The following USP22 variants were observed in gnomAD, a reference collection of about 807,000 sequenced individuals.
USP22 encodes the protein ubiquitin carboxyl-terminal hydrolase 22.
In USP22, 22 loss-of-function variants were observed where a neutral mutation model predicts 68.1. The observed-to-expected ratio is 0.32, with a 90% CI of 0.23 to 0.46. The LOEUF (loss-of-function observed/expected upper bound fraction) is 0.46, where lower values mean the gene tolerates loss of function less well. USP22 is among the 20% of genes least tolerant of loss of function. The pLI is 1.00. For synonymous variants in USP22, 279 were observed against 274.2 expected, an observed-to-expected ratio of 1.02 and a Z score of -0.17; for missense variants, 433 against 695.8, an observed-to-expected ratio of 0.62 and a Z score of 4.25.
chr17:21,002,806 CCCT>C lies in USP22; in HGVS notation c.*222_*224del, dbSNP rs1412844095. ...GCTGCTCCTCCCACCCAGAGCACAC[CCCT>C]CATCTCATCCATCTTCAAAGCAGCT... On this transcript the variant is annotated 3_prime_UTR_variant, in exon 13 of 13. Coordinates refer to ENST00000261497, the MANE Select transcript of USP22 (RefSeq NM_015276.2). 34 of 534,190 alleles carry C rather than the reference CCCT, an allele frequency of 6.4e-5. No individual in the cohort carries two copies. The highest frequency in any genetic ancestry group is 3.8e-5 in the African/African-American group (2 of 52,128). The allele number at this position is 534,190 out of a possible 1,614,324, so 33.1% of individuals were successfully genotyped here.
chr17:21,009,116 A>AG (rs1913869017), intron 8 of USP22, among the ~76,000 whole-genome samples: 2 of 143,000 alleles, frequency 1.4e-5, no homozygotes, highest in Non-Finnish European at 3.1e-5. Flanking sequence ...AAAAAAAAAA[A>AG]GGCAAGAGGA....
chr17:21,018,199 T>A, intron 4 of USP22, 88 bp from the exon 5 acceptor site: 1 of 1,299,376 alleles, frequency 7.7e-7, no homozygotes, highest in African/African-American at 1.6e-5. Flanking sequence ...TACCTCTACA[T>A]ACTCATTTTC....
chr17:21,018,369 C>T (rs919049287), intron 4 of USP22: 2 of 344,528 alleles, frequency 5.8e-6, no homozygotes, highest in Non-Finnish European at 1.1e-5. Flanking sequence ...ATAGTTTCTA[C>T]GACAACAGGC....
rs1405879130 is a variant in USP22, at chr17:21,019,080, C to T, written c.520+4G>A. 16 of 1,613,888 alleles carry T rather than the reference C, an allele frequency of 9.9e-6. No homozygotes were observed. The East Asian group carries it at 3.1e-4, about 31-fold the overall frequency. On this transcript the variant is annotated splice_donor_region_variant and intron_variant, in intron 4 of 12. Coordinates refer to ENST00000261497, the MANE Select transcript of USP22 (RefSeq NM_015276.2). ...AGCTGAGAGTGACGACACGCTCCAC[C>T]CACCTATGGTGCAGTTCGAGGTGAT...
rs527780627 is a variant in USP22, at chr17:21,019,087, T to C, written c.517A>G (p.Ile173Val). 3.1e-6 allele frequency: 5 copies of C among 1,614,092 alleles called. No homozygotes were observed. The highest frequency in any genetic ancestry group is 1.7e-5 in the Admixed American group (1 of 60,026). Reference sequence around the variant, plus strand: ...AGTGACGACACGCTCCACCCACCTATGGTGCAGTTCGAGGTGATCTTTCTC... The same window carrying C: ...AGTGACGACACGCTCCACCCACCTACGGTGCAGTTCGAGGTGATCTTTCTC... ...KRRKITSNCT[I>V]GLRGLINLGN... Residue 173 changes from isoleucine (I) to valine (V), a missense_variant, in exon 4 of 13, where the codon ATA becomes GTA. Physicochemically the swap from Ile to Val is conservative, Grantham distance 29. Coordinates refer to ENST00000261497, the MANE Select transcript of USP22 (RefSeq NM_015276.2).
At chr17:21,029,833 A>T (rs889187892) in intron 1 of USP22, among the ~76,000 whole-genome samples, 1 of 152,256 alleles carries the variant, frequency 6.6e-6, no homozygotes, top group Non-Finnish European at 1.5e-5. Flanking sequence ...AATACTCAGG[A>T]TAGATAAATC....
At chr17:21,034,304 A>G (rs7211862) in intron 1 of USP22, among the ~76,000 whole-genome samples, 2,611 of 152,296 alleles carry the variant, frequency 0.017, 60 homozygotes, top group African/African-American at 0.058. Context: ...GGGACCCAGC[A>G]GTTGCCGGTG....
rs1045428067 is a variant in USP22, at chr17:21,042,752, G to C, written c.84C>G (p.Ser28Arg). The change falls in exon 1 of 13, where the codon AGC (serine) becomes AGG (arginine). Residue 28 changes from serine (S) to arginine (R), a missense_variant. Coordinates refer to ENST00000261497, the MANE Select transcript of USP22 (RefSeq NM_015276.2). ...VAPPGCSHLGSFKVDNWKQNL... is the reference protein window; with the variant it reads ...VAPPGCSHLGRFKVDNWKQNL... ...TCTGCTTCCAGTTGTCCACCTTGAA[G>C]CTGCCCAGGTGCGAGCAGCCCGGCG... 1.3e-6 allele frequency: 2 copies of C among 1,497,596 alleles called. No individual in the cohort carries two copies. The highest frequency in any genetic ancestry group is 1.4e-5 in the African/African-American group (1 of 69,930). 92.8% of individuals were successfully genotyped at this position (1,497,596 alleles called of 1,614,324 possible). A position where few individuals can be genotyped will look rare whatever the true frequency, so the allele number is the denominator to read the frequency against.
chr17:21,026,552 G>C (rs994038374), intron 2 of USP22, among the ~76,000 whole-genome samples: 2 of 151,846 alleles, frequency 1.3e-5, no homozygotes, highest in Non-Finnish European at 2.9e-5. Context: ...TTGAGCTCCT[G>C]CGCTCAGGTA....
At chr17:21,006,120 C>G (rs1913770931) in intron 10 of USP22, among the ~76,000 whole-genome samples, 1 of 152,198 alleles carries the variant, frequency 6.6e-6, no homozygotes, top group Non-Finnish European at 1.5e-5. Context: ...ACCTCTAGAA[C>G]TGTGAGGAAA....
intron 1 of USP22, among the ~76,000 whole-genome samples, chr17:21,041,426 C>T (rs1972429370): frequency 6.6e-6 from 1 of 151,786 alleles, no homozygotes; most frequent in Admixed American, 6.6e-5. Flanking sequence ...GGTGAAACCC[C>T]GTCTCTACTA....
intron 5 of USP22, 40 bp downstream of exon 5, chr17:21,017,902 G>GT (rs1972108403): frequency 1.3e-6 from 2 of 1,599,926 alleles, no homozygotes; most frequent in East Asian, 2.2e-5. Context: ...TGAAAACAAA[G>GT]TAACAGAAAT....
At chr17:21,030,913 G>A (rs1315341410) in intron 1 of USP22, among the ~76,000 whole-genome samples, 1 of 152,208 alleles carries the variant, frequency 6.6e-6, no homozygotes. Flanking sequence ...ATTAAACTGA[G>A]TGTGATAACT....
At chr17:21,019,041 C>G in intron 4 of USP22, 43 bp downstream of exon 4, 1 of 1,597,694 alleles carries the variant, frequency 6.3e-7, no homozygotes, top group Non-Finnish European at 8.6e-7. Flanking sequence ...CTTTTAAACC[C>G]TGGAAAGAAG....
chr17:21,022,602 A>G (rs1181872899), intron 2 of USP22, among the ~76,000 whole-genome samples: 1 of 152,178 alleles, frequency 6.6e-6, no homozygotes, highest in Non-Finnish European at 1.5e-5. Context: ...GATTGAGACC[A>G]TCCTGGCTAA....
In USP22 at chr17:21,036,185, G is replaced by C. The variant is rs573977658; in HGVS notation, c.171+6480C>G. 5.2e-4 allele frequency among the ~76,000 whole-genome samples: 79 copies of C among 152,162 alleles called. No individual in the cohort carries two copies. In the South Asian group the frequency reaches 0.016, roughly 30 times the overall value. On this transcript the variant is annotated intron_variant, in intron 1 of 12. Transcript: ENST00000261497. ...TGGAAAGGGAAAAACCTCCGAGATG[G>C]AGACGAGACCAGTGGTTGTGGAGAG...
At chr17:21,027,817 A>C (rs1567591366) in intron 2 of USP22, among the ~76,000 whole-genome samples, 1 of 152,144 alleles carries the variant, frequency 6.6e-6, no homozygotes, top group Non-Finnish European at 1.5e-5. Flanking sequence ...TAAAAATACA[A>C]AAATTAGCCA....
At chr17:21,035,351 A>G in intron 1 of USP22, among the ~76,000 whole-genome samples, 1 of 152,236 alleles carries the variant, frequency 6.6e-6, no homozygotes, top group East Asian at 1.9e-4. Context: ...AGAGGCAAGA[A>G]AAAGACTCAC....
Position 21,004,785 on chromosome 17 carries a change from AGCCAATAGTGGAGCT to A in USP22, c.1385+128_1385+142del. 3 of 84,946 alleles carry A rather than the reference AGCCAATAGTGGAGCT, an allele frequency of 3.5e-5. No homozygotes were observed. The South Asian group carries it at 1.5e-3, about 42-fold the overall frequency. 5.3% of individuals were successfully genotyped at this position (84,946 alleles called of 1,614,324 possible). A position where few individuals can be genotyped will look rare whatever the true frequency, so the allele number is the denominator to read the frequency against. On this transcript the variant is annotated intron_variant, in intron 11 of 12. Coordinates refer to ENST00000261497, the MANE Select transcript of USP22 (RefSeq NM_015276.2). ...GGCCTTTCCTAGTGGAGCTGCGGGC[AGCCAATAGTGGAGCT>A]GCGGGCAGCCAAGCGGGAAGCAGGT...
Sources: gnomAD v4.1 joint callset for allele counts (sites outside exome capture counted in the v4.1 genomes callset) on GRCh38, gnomAD v4.1.1 for gene constraint, MANE v1.5 for transcripts, NCBI Gene and HGNC (gene_info 2026-07-23, HGNC 2026-07-21) for gene names.